The following ZNF556 variants were observed in gnomAD, a reference collection of about 807,000 sequenced individuals.
ZNF556 encodes the protein zinc finger protein 556.
ZNF556 carries 11 observed loss-of-function variants against 13.6 expected under a neutral mutation model. The ratio of observed to expected loss-of-function variants is 0.81; its 90% CI spans 0.51 to 1.33. ZNF556 has a LOEUF of 1.33. ZNF556 is among the 40% of genes most tolerant of loss of function. The pLI is 0.00. For missense variants in ZNF556, 633 were observed against 566.2 expected, an observed-to-expected ratio of 1.12 and a Z score of -1.20; for synonymous variants, 229 against 207.8, an observed-to-expected ratio of 1.10 and a Z score of -0.88.
intron 1 of ZNF556, 139 bp downstream of exon 1, chr19:2,867,563 T>C: frequency 8.0e-7 from 1 of 1,247,564 alleles, no homozygotes; most frequent in Non-Finnish European, 1.1e-6. Flanking sequence ...CCCCGGGTCC[T>C]GCGGGGAGTT....
At position 2,878,165 on chromosome 19, in the gene ZNF556, G is replaced by A. The variant is rs1248153659; in HGVS notation, c.1207G>A (p.Val403Met). 3.7e-6 allele frequency: 6 copies of A among 1,614,090 alleles called. No homozygotes were observed. Among genetic ancestry groups the A allele is most frequent in the Non-Finnish European group, 4.2e-6 (5 of 1,180,056 alleles). The change falls in exon 4 of 4, where the codon GTG becomes ATG. Residue 403 changes from valine to methionine, a missense_variant. Transcript: ENST00000307635. ...TGEKPVNAAS[V>M]GKPSGGLCSS... is the part of the protein sequence containing the mutation. ...GGAGAAACCTGTAAATGCAGCCAGT[G>A]TGGGAAAACCTTCAGGCGGGCTTTG...
chr19:2,878,287 T>C lies in ZNF556; in HGVS notation c.1329T>C (p.His443=), dbSNP rs867185750. 6.2e-7 allele frequency: 1 copy of C among 1,614,078 alleles called. No homozygotes were observed. The highest frequency in any genetic ancestry group is 1.3e-5 in the African/African-American group (1 of 75,002). ...GTTGTCCCAAAGCCTTTCAAGGTCA[T>C]GTGAGAAGTCACACAGGAAAGAAAT... ...AFSCPKAFQG[H]VRSHTGKKSC... The change falls in exon 4 of 4, where the codon CAT becomes CAC. Residue 443 remains histidine (H), a synonymous_variant. Coordinates refer to ENST00000307635, the MANE Select transcript of ZNF556 (RefSeq NM_024967.3).
At position 2,877,627 on chromosome 19, in the gene ZNF556, G is replaced by A; in HGVS notation, c.669G>A (p.Arg223=). 1 of 1,614,174 alleles carries A rather than the reference G, an allele frequency of 6.2e-7. No individual in the cohort carries two copies. Among genetic ancestry groups the A allele is most frequent in the South Asian group, 1.1e-5 (1 of 91,082 alleles). Residue 223 remains arginine (R), a synonymous_variant, in exon 4 of 4, where the codon AGG becomes AGA. Transcript: ENST00000307635. ...LRSHSLTEHV[R]THTGEKPYEC... ...CCCACTCTCTCACTGAACATGTAAG[G>A]ACTCACACTGGAGAGAAACCCTACG...
At position 2,874,376 on chromosome 19, in the gene ZNF556, C is replaced by A. The variant is rs114587691; in HGVS notation, c.130+754C>A. ...AGTTATAATCATTGATGTCCTGGAC[C>A]TAAAATTCAGTAGCTTCTCTGTGAT... On this transcript the variant is annotated intron_variant, in intron 2 of 3. Coordinates refer to ENST00000307635, the MANE Select transcript of ZNF556 (RefSeq NM_024967.3). Among the ~76,000 whole-genome samples, 1,369 of 152,174 alleles carry A rather than the reference C, an allele frequency of 9.0e-3. 26 individuals carry two copies. The highest frequency in any genetic ancestry group is 0.032 in the African/African-American group (1,309 of 41,502).
intron 2 of ZNF556, among the ~76,000 whole-genome samples, 154 bp from the exon 3 acceptor site, chr19:2,875,939 G>A (rs963671317): frequency 6.6e-6 from 1 of 152,120 alleles, no homozygotes; most frequent in Non-Finnish European, 1.5e-5. Flanking sequence ...ACTCCAGCCT[G>A]GGCGACAGAG....
chr19:2,875,267 C>T (rs1483094381), intron 2 of ZNF556: 1 of 152,184 alleles, frequency 6.6e-6, no homozygotes, highest in African/African-American at 2.4e-5. Flanking sequence ...GATCTCGGCT[C>T]ACTGCAAGCT....
At position 2,867,360 on chromosome 19, in the gene ZNF556, G is replaced by A; in HGVS notation, c.-62G>A. 3 of 1,561,964 alleles carry A rather than the reference G, an allele frequency of 1.9e-6. No individual in the cohort carries two copies. The Admixed American group carries it at 5.9e-5, about 31-fold the overall frequency. On this transcript the variant is annotated 5_prime_UTR_variant, in exon 1 of 4. Transcript: ENST00000307635. ...GAGTGACCACAGGTGTCCCCGTCGT[G>A]CTCACCTGCACCGGCTGCGAGGAGC...
chr19:2,879,039 G>A lies in ZNF556; in HGVS notation c.*710G>A, dbSNP rs1228721317. 6.6e-6 allele frequency: 1 copy of A among 152,056 alleles called. No individual in the cohort carries two copies. The highest frequency in any genetic ancestry group is 1.5e-5 in the Non-Finnish European group (1 of 68,020). 9.4% of individuals were successfully genotyped at this position (152,056 alleles called of 1,614,324 possible). ...GGGTGTTTGTTGACATTTTCTGACT[G>A]GCCCTGTGTGTTCCAAGCTGGATAT... is the stretch of plus-strand genomic sequence containing the variant. On this transcript the variant is annotated 3_prime_UTR_variant, in exon 4 of 4. Coordinates refer to ENST00000307635, the MANE Select transcript of ZNF556 (RefSeq NM_024967.3).
At chr19:2,869,058 G>T (rs1319552935) in intron 1 of ZNF556, among the ~76,000 whole-genome samples, 2 of 152,126 alleles carry the variant, frequency 1.3e-5, no homozygotes, top group Non-Finnish European at 2.9e-5. Context: ...GGGATATATT[G>T]TTAGTGTTCA....
chr19:2,868,133 T>C (rs113549279), intron 1 of ZNF556, among the ~76,000 whole-genome samples: 1 of 152,230 alleles, frequency 6.6e-6, no homozygotes, highest in African/African-American at 2.4e-5. Flanking sequence ...TGTTCCTTTT[T>C]TGCCCGTGTG....
rs1156808933 is a variant in ZNF556, at chr19:2,879,866, T to TA, written c.*1542dup. On this transcript the variant is annotated 3_prime_UTR_variant, in exon 4 of 4. Coordinates refer to ENST00000307635, the MANE Select transcript of ZNF556 (RefSeq NM_024967.3). ...TATCATGGTGAAACCCCGTCTCTAC[T>TA]AAAAATACAAAAAATTAGCCAGGTG... 2 of 122,302 alleles carry TA rather than the reference T, an allele frequency of 1.6e-5. No homozygotes were observed. The highest frequency in any genetic ancestry group is 5.0e-5 in the African/African-American group (2 of 39,738). The allele number at this position is 122,302 out of a possible 1,614,324, so 7.6% of individuals were successfully genotyped here. A position where few individuals can be genotyped will look rare whatever the true frequency, so the allele number is the denominator to read the frequency against.
rs1667922795 is a variant in ZNF556, at chr19:2,880,163, A to AT, written c.*1835dup. The AT allele has an allele frequency of 6.6e-6, 1 of 152,236 alleles. No homozygotes were observed. The highest frequency in any genetic ancestry group is 2.1e-4 in the South Asian group (1 of 4,832). 9.4% of individuals were successfully genotyped at this position (152,236 alleles called of 1,614,324 possible). ...AGAAAATGAAAGACAATACTGGCTT[A>AT]TCAGGTAAACTCTGGAAATTTCCTG... On this transcript the variant is annotated 3_prime_UTR_variant, in exon 4 of 4. Transcript: ENST00000307635.
At chr19:2,873,133 C>CAAAA (rs370704982) in intron 1 of ZNF556, among the ~76,000 whole-genome samples, 2 of 142,492 alleles carry the variant, frequency 1.4e-5, no homozygotes, top group Non-Finnish European at 1.5e-5. Flanking sequence ...GACTCCGTCT[C>CAAAA]AAAAAAAAAA....
chr19:2,873,150 A>C (rs1204576389), intron 1 of ZNF556, among the ~76,000 whole-genome samples: 1 of 145,376 alleles, frequency 6.9e-6, no homozygotes, highest in East Asian at 2.0e-4. Context: ...AAAAAAAATG[A>C]AATGTACTAA....
At chr19:2,874,051 G>A (rs1169660278) in intron 2 of ZNF556, among the ~76,000 whole-genome samples, 3 of 151,834 alleles carry the variant, frequency 2.0e-5, no homozygotes, top group African/African-American at 7.2e-5. Context: ...GAGCTCAGGA[G>A]TTCGAGACCA....
At chr19:2,870,183 A>C (rs945097435) in intron 1 of ZNF556, among the ~76,000 whole-genome samples, 6 of 152,310 alleles carry the variant, frequency 3.9e-5, no homozygotes, top group Admixed American at 2.6e-4. Context: ...TTGGGCCCCC[A>C]TGCCTGTAAT....
At position 2,878,640 on chromosome 19, in the gene ZNF556, C is replaced by T; in HGVS notation, c.*311C>T. ...GCAGTGAGCCGAGATGGCACCACTG[C>T]ACTCCAGCCTGGGTGACAGAGCGAG... On this transcript the variant is annotated 3_prime_UTR_variant, in exon 4 of 4. Coordinates refer to ENST00000307635, the MANE Select transcript of ZNF556 (RefSeq NM_024967.3). 1 of 224,668 alleles carries T rather than the reference C, an allele frequency of 4.5e-6. No homozygotes were observed. Among genetic ancestry groups the T allele is most frequent in the South Asian group, 6.7e-5 (1 of 14,932 alleles). 13.9% of individuals were successfully genotyped at this position (224,668 alleles called of 1,614,324 possible).
rs57053138 is a variant in ZNF556 at position 2,882,531 on chromosome 19, A to ATAGTGTGTGTGTGTGTGTGTGT, written c.*4202_*4203insTAGTGTGTGTGTGTGTGTGTGT. The ATAGTGTGTGTGTGTGTGTGTGT allele has an allele frequency of 4.7e-5, 6 of 127,720 alleles. No homozygotes were observed. The highest frequency in any genetic ancestry group is 2.6e-4 in the East Asian group (1 of 3,876). The allele number at this position is 127,720 out of a possible 1,614,324, so 7.9% of individuals were successfully genotyped here. A position where few individuals can be genotyped will look rare whatever the true frequency, so the allele number is the denominator to read the frequency against. On this transcript the variant is annotated 3_prime_UTR_variant, in exon 4 of 4. Transcript: ENST00000307635. Reference sequence around the variant, plus strand: ...ATACATTTTATATATATATATATATAGTGTGTGTGTGTGTGTGTGTGTGTG... The same window carrying ATAGTGTGTGTGTGTGTGTGTGT: ...ATACATTTTATATATATATATATATATAGTGTGTGTGTGTGTGTGTGTGTGTGTGTGTGTGTGTGTGTGTGTG...
Position 2,877,255 on chromosome 19 carries a change from T to G in ZNF556, c.315-18T>G, listed in dbSNP as rs781199823. On this transcript the variant is annotated intron_variant, in intron 3 of 3. Coordinates refer to ENST00000307635, the MANE Select transcript of ZNF556 (RefSeq NM_024967.3). ...TTATTAAGGCATAAACCATTAATAATGTGCTACCCATTTTTAGCAGAAATC... is the reference window on the plus strand; with the variant it reads ...TTATTAAGGCATAAACCATTAATAAGGTGCTACCCATTTTTAGCAGAAATC... 6.4e-7 allele frequency: 1 copy of G among 1,574,114 alleles called. No individual in the cohort carries two copies. Among genetic ancestry groups the G allele is most frequent in the Admixed American group, 1.9e-5 (1 of 52,856 alleles).
Sources: allele counts gnomAD v4.1 joint callset (sites outside exome capture counted in the v4.1 genomes callset), GRCh38; gene constraint gnomAD v4.1.1; transcripts MANE v1.5; gene names NCBI Gene and HGNC (gene_info 2026-07-23, HGNC 2026-07-21).